Variants in BLOC1S5 observed in about 807,000 individuals in gnomAD.
The protein encoded by BLOC1S5 is biogenesis of lysosomal organelles complex 1 subunit 5.
BLOC1S5 carries 27 observed loss-of-function variants against 24.3 expected under a neutral mutation model. That is an observed-to-expected ratio of 1.11 (90% CI 0.82 to 1.53). The LOEUF (loss-of-function observed/expected upper bound fraction) is 1.53. BLOC1S5 is among the 40% of genes most tolerant of loss of function. The pLI, the probability that BLOC1S5 is intolerant of heterozygous loss-of-function variation, is 0.00. For missense variants in BLOC1S5, 239 were observed against 229.4 expected (o/e 1.04, Z -0.27); for synonymous variants, 84 against 74.5 (o/e 1.13, Z -0.66).
chr6:8,044,748 C>T lies in BLOC1S5; in HGVS notation c.196-3480G>A, dbSNP rs527444817. On this transcript the variant is annotated intron_variant, in intron 2 of 4. Coordinates refer to ENST00000397457, the MANE Select transcript of BLOC1S5 (RefSeq NM_201280.3). ...AGAGACTGGTGGCATTTTTTCCTTG[C>T]GCTAGAGATCTGTGGAACTTTGAAC... is the stretch of plus-strand genomic sequence containing the variant. Among the ~76,000 whole-genome samples, 45 of 152,126 alleles carry T rather than the reference C, an allele frequency of 3.0e-4. 2 individuals carry two copies. The South Asian group carries it at 4.6e-3, about 15-fold the overall frequency.
Position 8,015,279 on chromosome 6 carries a change from A to G in BLOC1S5, c.*370T>C, listed in dbSNP as rs2113500617. 1 of 166,314 alleles carries G rather than the reference A, an allele frequency of 6.0e-6. No individual in the cohort carries two copies. The highest frequency in any genetic ancestry group is 1.3e-5 in the Non-Finnish European group (1 of 77,224). The allele number at this position is 166,314 out of a possible 1,614,324, so 10.3% of individuals were successfully genotyped here. ...TATACCTTCCCATTAAGCCACAATAATAAACTATTGTTAACCCTGTATAGA... is the reference window on the plus strand; with the variant it reads ...TATACCTTCCCATTAAGCCACAATAGTAAACTATTGTTAACCCTGTATAGA... On this transcript the variant is annotated 3_prime_UTR_variant, in exon 5 of 5. Coordinates refer to ENST00000397457, the MANE Select transcript of BLOC1S5 (RefSeq NM_201280.3).
intron 2 of BLOC1S5, among the ~76,000 whole-genome samples, chr6:8,055,108 A>AT (rs1764264494): frequency 6.6e-6 from 1 of 151,744 alleles, no homozygotes; most frequent in Non-Finnish European, 1.5e-5. Context: ...TGCTTCTACA[A>AT]TTTTCTTATG....
intron 2 of BLOC1S5, among the ~76,000 whole-genome samples, chr6:8,043,028 C>T (rs1324413436): frequency 6.6e-6 from 1 of 152,176 alleles, no homozygotes; most frequent in Non-Finnish European, 1.5e-5. Context: ...AGCACCTTTT[C>T]CCTTTGCTGA....
At chr6:8,039,446 A>G (rs958646250) in intron 3 of BLOC1S5, among the ~76,000 whole-genome samples, 7 of 152,208 alleles carry the variant, frequency 4.6e-5, no homozygotes, top group African/African-American at 1.7e-4. Context: ...GAATAATTTG[A>G]ATGTTTTTAA....
In BLOC1S5 at chr6:8,014,601, T is replaced by C; in HGVS notation, c.*1048A>G. The C allele has an allele frequency of 6.6e-6, 1 of 152,174 alleles. No individual in the cohort carries two copies. Among genetic ancestry groups the C allele is most frequent in the East Asian group, 1.9e-4 (1 of 5,196 alleles). 9.4% of individuals were successfully genotyped at this position (152,174 alleles called of 1,614,324 possible). A position where few individuals can be genotyped will look rare whatever the true frequency, so the allele number is the denominator to read the frequency against. On this transcript the variant is annotated 3_prime_UTR_variant, in exon 5 of 5. Transcript: ENST00000397457. ...AAATTAGACTGTTAAATGCAGGTTT[T>C]TAAAGATCACAGTGATGACAGAACT...
intron 3 of BLOC1S5, among the ~76,000 whole-genome samples, chr6:8,028,768 T>C (rs1763190525): frequency 6.6e-6 from 1 of 150,438 alleles, no homozygotes; most frequent in African/African-American, 2.5e-5. Context: ...GTTTACTTTC[T>C]GAATTTATGA....
chr6:8,035,114 G>A (rs527289861), intron 3 of BLOC1S5, among the ~76,000 whole-genome samples: 1 of 152,136 alleles, frequency 6.6e-6, no homozygotes, highest in Non-Finnish European at 1.5e-5. Flanking sequence ...ACGTCGTTAT[G>A]TTCTCGCTTA....
chr6:8,047,676 G>T (rs1763955041), intron 2 of BLOC1S5, among the ~76,000 whole-genome samples: 1 of 152,270 alleles, frequency 6.6e-6, no homozygotes, highest in Non-Finnish European at 1.5e-5. Context: ...ACAGTCTGTT[G>T]TTTGCTGAAT....
At chr6:8,029,224 T>C (rs879722765) in intron 3 of BLOC1S5, among the ~76,000 whole-genome samples, 1 of 152,128 alleles carries the variant, frequency 6.6e-6, no homozygotes, top group Non-Finnish European at 1.5e-5. Flanking sequence ...AAATCAGGTA[T>C]ACAGTGCCGG....
rs566469962 is a variant in BLOC1S5 at position 8,040,602 on chromosome 6, G to A, written c.325+537C>T. Among the ~76,000 whole-genome samples the A allele has an allele frequency of 3.9e-5, 6 of 152,334 alleles. No homozygotes were observed. The South Asian group carries it at 6.2e-4, about 16-fold the overall frequency. On this transcript the variant is annotated intron_variant, in intron 3 of 4. Transcript: ENST00000397457. The stretch of plus-strand genomic sequence containing the variant: ...TGGCTGGGCACAGTGGCTCACGCCT[G>A]TAATCCCAGCACTTGGGAGGCCGAG...
At chr6:8,021,239 G>C (rs1321744029) in intron 4 of BLOC1S5, among the ~76,000 whole-genome samples, 1 of 152,214 alleles carries the variant, frequency 6.6e-6, no homozygotes, top group Non-Finnish European at 1.5e-5. Context: ...GGTTTCCAGG[G>C]GTGGAGAGAA....
At chr6:8,045,486 C>T (rs931745975) in intron 2 of BLOC1S5, among the ~76,000 whole-genome samples, 9 of 152,122 alleles carry the variant, frequency 5.9e-5, no homozygotes, top group African/African-American at 1.2e-4. Context: ...AGAGGACCAC[C>T]GTCCTCCAGA....
intron 4 of BLOC1S5, among the ~76,000 whole-genome samples, chr6:8,018,666 C>T (rs937270876): frequency 5.9e-5 from 9 of 152,110 alleles, no homozygotes; most frequent in African/African-American, 2.2e-4. Flanking sequence ...ATAAATACTC[C>T]GCATCCATAA....
intron 3 of BLOC1S5, among the ~76,000 whole-genome samples, chr6:8,027,872 C>A (rs186743937): frequency 6.6e-6 from 1 of 151,874 alleles, no homozygotes; most frequent in Non-Finnish European, 1.5e-5. Flanking sequence ...CTCATTGTCA[C>A]CAATATTCTA....
At chr6:8,027,381 C>A in intron 3 of BLOC1S5, 1 of 456,716 alleles carries the variant, frequency 2.2e-6, no homozygotes, top group Non-Finnish European at 4.4e-6. Flanking sequence ...TCCTATCTCT[C>A]AGCAACTTAG....
At chr6:8,043,281 G>A (rs1394225537) in intron 2 of BLOC1S5, among the ~76,000 whole-genome samples, 1 of 152,132 alleles carries the variant, frequency 6.6e-6, no homozygotes, top group Non-Finnish European at 1.5e-5. Flanking sequence ...TTATAGTAGA[G>A]AAAACTAGCA....
At chr6:8,050,557 C>A (rs1483981240) in intron 2 of BLOC1S5, among the ~76,000 whole-genome samples, 1 of 151,936 alleles carries the variant, frequency 6.6e-6, no homozygotes, top group African/African-American at 2.4e-5. Context: ...GAACGCGAGG[C>A]CTTTTGCACC....
rs1763140907 is a variant in BLOC1S5, at chr6:8,027,319, A to T, written c.326-894T>A. ...GTTTGCTCGCTCAATTATTCATTTG[A>T]CAAATGTTTACTGAGCATGTGCTTT... is the stretch of plus-strand genomic sequence containing the variant. On this transcript the variant is annotated intron_variant, in intron 3 of 4. Coordinates refer to ENST00000397457, the MANE Select transcript of BLOC1S5 (RefSeq NM_201280.3). 1.1e-4 allele frequency: 52 copies of T among 456,026 alleles called. 1 individual carries two copies. The highest frequency in any genetic ancestry group is 7.9e-4 in the South Asian group (51 of 64,376). The allele number at this position is 456,026 out of a possible 1,614,324, so 28.2% of individuals were successfully genotyped here.
chr6:8,023,344 C>T (rs1762991168), intron 4 of BLOC1S5, among the ~76,000 whole-genome samples: 1 of 152,204 alleles, frequency 6.6e-6, no homozygotes. Flanking sequence ...TTACTTCCTA[C>T]AGAAATCCAC....
Sources: allele counts gnomAD v4.1 joint callset (sites outside exome capture counted in the v4.1 genomes callset), GRCh38; gene constraint gnomAD v4.1.1; transcripts MANE v1.5; gene names NCBI Gene and HGNC (gene_info 2026-07-23, HGNC 2026-07-21).